DSC3: variants seen among roughly 807,000 people sequenced by gnomAD.
The protein encoded by DSC3 is desmocollin 3, also known as desmocollin-3.
DSC3 carries 97 observed loss-of-function variants against 89.5 expected under a neutral mutation model. The ratio of observed to expected loss-of-function variants is 1.08; its 90% confidence interval spans 0.92 to 1.28. The LOEUF (loss-of-function observed/expected upper bound fraction) is 1.28. DSC3 is among the 50% of genes most tolerant of loss of function. The pLI is 0.00. For synonymous variants in DSC3, 436 were observed against 384.1 expected, an observed-to-expected ratio of 1.14 and a Z score of -1.58; for missense variants, 1,199 against 1,085.3, an observed-to-expected ratio of 1.10 and a Z score of -1.47.
chr18:31,041,185 A>G (rs1986118472), intron 1 of DSC3, among the ~76,000 whole-genome samples: 1 of 152,116 alleles, frequency 6.6e-6, no homozygotes, highest in African/African-American at 2.4e-5. Context: ...TGAGAGCAGC[A>G]CCCGTAGTTT....
chr18:31,003,732 A>C (rs1175891931), intron 13 of DSC3, among the ~76,000 whole-genome samples: 1 of 152,230 alleles, frequency 6.6e-6, no homozygotes, highest in African/African-American at 2.4e-5. Context: ...CCAAGAAGAG[A>C]CATTGCTGAG....
chr18:31,008,702 A>G (rs1984955604), intron 9 of DSC3, among the ~76,000 whole-genome samples, 177 bp from the exon 10 acceptor site: 1 of 152,204 alleles, frequency 6.6e-6, no homozygotes. Context: ...AGCCTCTACC[A>G]AGAATGGTCC....
At chr18:30,996,697 A>G in intron 15 of DSC3, 94 bp downstream of exon 15, 1 of 1,507,672 alleles carries the variant, frequency 6.6e-7, no homozygotes, top group Non-Finnish European at 9.0e-7. Context: ...GAGAGCCCAC[A>G]GAAAAATACA....
At chr18:31,040,155 G>T (rs1986087446) in intron 1 of DSC3, among the ~76,000 whole-genome samples, 1 of 152,088 alleles carries the variant, frequency 6.6e-6, no homozygotes, top group Non-Finnish European at 1.5e-5. Flanking sequence ...GAAAAGTACA[G>T]ATTTGAGGGG....
In DSC3 at chr18:30,989,546, T is replaced by G. The variant is rs1327686275; in HGVS notation, c.*4629A>C. 6.6e-6 allele frequency among the ~76,000 whole-genome samples: 1 copy of G among 152,194 alleles called. No individual in the cohort carries two copies. Among genetic ancestry groups the G allele is most frequent in the African/African-American group, 2.4e-5 (1 of 41,456 alleles). On this transcript the variant is annotated 3_prime_UTR_variant, in exon 16 of 16. Coordinates refer to ENST00000360428, the MANE Select transcript of DSC3 (RefSeq NM_001941.5). ...ATAGTGGTAACAGTTTCACAACATT[T>G]TAAATGTACTAAAGTCACTGAATTA...
intron 15 of DSC3, among the ~76,000 whole-genome samples, chr18:30,995,996 A>AAAG (rs1555631969): frequency 2.1e-4 from 29 of 136,480 alleles, no homozygotes; most frequent in Admixed American, 5.4e-4. Flanking sequence ...AAAAAAAAAA[A>AAAG]AAAGAAAAGA....
chr18:31,019,549 T>A (rs548110265), intron 7 of DSC3, among the ~76,000 whole-genome samples: 1 of 152,252 alleles, frequency 6.6e-6, no homozygotes, highest in Non-Finnish European at 1.5e-5. Context: ...TCCCAGCACT[T>A]TGGGAGGCCA....
chr18:31,029,668 C>T, intron 3 of DSC3, 40 bp from the exon 4 acceptor site: 1 of 1,612,110 alleles, frequency 6.2e-7, no homozygotes, highest in Non-Finnish European at 8.5e-7. Flanking sequence ...TAAACAAAAG[C>T]ATCACAGTCT....
intron 5 of DSC3, among the ~76,000 whole-genome samples, chr18:31,025,312 C>A (rs949348384): frequency 6.6e-6 from 1 of 152,078 alleles, no homozygotes; most frequent in African/African-American, 2.4e-5. Flanking sequence ...CTTTCACTTT[C>A]TTATGTAGTT....
At chr18:30,995,969 C>A (rs1488938311) in intron 15 of DSC3, among the ~76,000 whole-genome samples, 1 of 37,180 alleles carries the variant, frequency 2.7e-5, no homozygotes, top group East Asian at 2.4e-3. Flanking sequence ...AAGACCCTGC[C>A]TTAAAAAAAA....
In DSC3 at chr18:31,037,337, T is replaced by C. The variant is rs142803587; in HGVS notation, c.70-5061A>G. ...AATAGATAGTGTTGGATTTTCTATGTAGTTAATCCTGTCGCTGGCAAAATG... is the reference window on the plus strand; with the variant it reads ...AATAGATAGTGTTGGATTTTCTATGCAGTTAATCCTGTCGCTGGCAAAATG... On this transcript the variant is annotated intron_variant, in intron 1 of 15. Transcript: ENST00000360428. Among the ~76,000 whole-genome samples the C allele has an allele frequency of 5.6e-3, 850 of 152,308 alleles. 13 individuals are homozygous for C. The highest frequency in any genetic ancestry group is 0.019 in the African/African-American group (792 of 41,568).
chr18:31,006,311 T>C (rs1984839514), intron 12 of DSC3, among the ~76,000 whole-genome samples: 1 of 151,910 alleles, frequency 6.6e-6, no homozygotes, highest in Admixed American at 6.6e-5. Context: ...TTATTATTAT[T>C]ATTTTGAGAC....
chr18:31,004,644 T>C (rs941816583), intron 12 of DSC3, among the ~76,000 whole-genome samples: 7 of 152,314 alleles, frequency 4.6e-5, no homozygotes, highest in African/African-American at 1.7e-4. Context: ...AAACTAATAC[T>C]GTTAGGTTGG....
At position 30,990,483 on chromosome 18, in the gene DSC3, T is replaced by C. The variant is rs1236379814; in HGVS notation, c.*3692A>G. On this transcript the variant is annotated 3_prime_UTR_variant, in exon 16 of 16. Transcript: ENST00000360428. ...GAAGTTACTGGAATTGAAATTTTGG[T>C]TCAACCTATATTAAAATGTAAGGCT... The C allele has an allele frequency of 2.0e-5, 3 of 152,214 alleles. No individual in the cohort carries two copies. The East Asian group carries it at 5.8e-4, about 29-fold the overall frequency. The allele number at this position is 152,214 out of a possible 1,614,324, so 9.4% of individuals were successfully genotyped here. A position where few individuals can be genotyped will look rare whatever the true frequency, so the allele number is the denominator to read the frequency against.
intron 13 of DSC3, among the ~76,000 whole-genome samples, chr18:31,002,070 C>G (rs1372608190): frequency 6.6e-6 from 1 of 151,954 alleles, no homozygotes; most frequent in Non-Finnish European, 1.5e-5. Flanking sequence ...TACTGATTCC[C>G]CTAAAAATAA....
At chr18:31,015,998 T>C (rs1985223316) in intron 9 of DSC3, among the ~76,000 whole-genome samples, 1 of 152,164 alleles carries the variant, frequency 6.6e-6, no homozygotes, top group Non-Finnish European at 1.5e-5. Flanking sequence ...ATGCTCATTA[T>C]ATGCTAATTA....
rs370090583 is a variant in DSC3 at position 30,994,389 on chromosome 18, A to C, written c.2494-17T>G. 3.1e-4 allele frequency: 505 copies of C among 1,611,468 alleles called. 1 individual carries two copies. The highest frequency in any genetic ancestry group is 4.1e-4 in the Non-Finnish European group (488 of 1,178,270). ...ATGCAATTTCTGTAAAATTTTTTAA[A>C]AAATGAATTGCATTATAGTTTTAAA... is the stretch of plus-strand genomic sequence containing the variant. On this transcript the variant is annotated splice_polypyrimidine_tract_variant and intron_variant, in intron 15 of 15. Coordinates refer to ENST00000360428, the MANE Select transcript of DSC3 (RefSeq NM_001941.5).
In DSC3 at chr18:31,029,561, G is replaced by A. The variant is rs370972107; in HGVS notation, c.422C>T (p.Pro141Leu). 18 of 1,613,784 alleles carry A rather than the reference G, an allele frequency of 1.1e-5. No homozygotes were observed. Among genetic ancestry groups the A allele is most frequent in the Non-Finnish European group, 1.4e-5 (17 of 1,179,782 alleles). The change falls in exon 4 of 16, where the codon CCT becomes CTT. Residue 141 changes from proline to leucine, a missense_variant. Physicochemically the swap from Pro to Leu is moderately conservative, Grantham distance 98 (BLOSUM62 -3). Transcript: ENST00000360428. ...CAAGGAATTCTCTTGCATAGAGCAA[G>A]GAATAGGTGCCCATCTCCTCTTGGC... ...RRAKRRWAPI[P>L]CSMQENSLGP...
At chr18:30,996,713 T>C in intron 15 of DSC3, 78 bp downstream of exon 15, 2 of 1,570,008 alleles carry the variant, frequency 1.3e-6, no homozygotes, top group Admixed American at 1.8e-5. Context: ...ATACAGAAAA[T>C]ATATGTTAAT....
Sources: gnomAD v4.1 joint callset for allele counts (sites outside exome capture counted in the v4.1 genomes callset) on GRCh38, gnomAD v4.1.1 for gene constraint, MANE v1.5 for transcripts, NCBI Gene and HGNC (gene_info 2026-07-23, HGNC 2026-07-21) for gene names.